The following DHX30 variants were observed in gnomAD, a reference collection of about 807,000 sequenced individuals.
DHX30 encodes the protein ATP-dependent RNA helicase DHX30.
DHX30 carries 4 observed loss-of-function variants against 116.9 expected under a neutral mutation model. The ratio of observed to expected loss-of-function variants is 0.03; its 90% CI spans 0.02 to 0.08. The LOEUF (loss-of-function observed/expected upper bound fraction) is 0.08. Ranked by LOEUF, DHX30 falls within the 10% of genes least tolerant of loss-of-function variation. The probability of loss-of-function intolerance (pLI) is 1.00; values close to 1 mark genes in which losing one functional copy is unlikely to be tolerated. For synonymous variants in DHX30, 697 were observed against 651.7 expected (o/e 1.07, Z -1.06); for missense variants, 871 against 1,595.1 (o/e 0.55, Z 7.73).
At chr3:47,849,118 A>T in intron 18 of DHX30, 39 bp downstream of exon 18, 1 of 1,610,494 alleles carries the variant, frequency 6.2e-7, no homozygotes, top group Non-Finnish European at 8.5e-7. Flanking sequence ...AGCCCCTCCC[A>T]CCCCCACTGA....
In DHX30 at chr3:47,829,312, A is replaced by ATTT. The variant is rs1351089403; in HGVS notation, c.366+179_366+180insTTT. Among the ~76,000 whole-genome samples, 204 of 27,954 alleles carry ATTT rather than the reference A, an allele frequency of 7.3e-3. 2 individuals carry two copies. Among genetic ancestry groups the ATTT allele is most frequent in the Non-Finnish European group, 0.013 (170 of 13,436 alleles). The allele number at this position is 27,954 out of a possible 152,430, so 18.3% of individuals were successfully genotyped here. On this transcript the variant is annotated intron_variant, in intron 6 of 21. Coordinates refer to ENST00000445061, the MANE Select transcript of DHX30 (RefSeq NM_138615.3). ...GATATATATATATATATATATATAT[A>ATTT]TATTTTTTTTTTTTTTTTCCTGTGT... is the stretch of plus-strand genomic sequence containing the variant.
intron 3 of DHX30, among the ~76,000 whole-genome samples, chr3:47,811,408 A>C (rs778827218): frequency 1.3e-5 from 2 of 152,042 alleles, no homozygotes; most frequent in Non-Finnish European, 2.9e-5. Context: ...TCATTTTGTC[A>C]CTAGATTGGA....
intron 8 of DHX30, chr3:47,842,763 C>T (rs1422784845): frequency 4.8e-6 from 1 of 207,764 alleles, no homozygotes. Context: ...TTTGCTCCCG[C>T]AGGATGTGCC....
At chr3:47,821,888 C>T (rs1427063346) in intron 4 of DHX30, among the ~76,000 whole-genome samples, 1 of 152,198 alleles carries the variant, frequency 6.6e-6, no homozygotes, top group Non-Finnish European at 1.5e-5. Context: ...CATGAGCCAC[C>T]GTACCTGGTC....
At chr3:47,829,574 C>T (rs1023864910) in intron 6 of DHX30, among the ~76,000 whole-genome samples, 1 of 151,586 alleles carries the variant, frequency 6.6e-6, no homozygotes, top group South Asian at 2.1e-4. Flanking sequence ...GAACTCCTGA[C>T]CTCAAGTGAT....
Position 47,847,192 on chromosome 3 carries a change from C to T in DHX30, c.1930-81C>T. 18 of 1,576,930 alleles carry T rather than the reference C, an allele frequency of 1.1e-5. No individual in the cohort carries two copies. Among genetic ancestry groups the T allele is most frequent in the South Asian group, 2.2e-5 (2 of 89,870 alleles). On this transcript the variant is annotated intron_variant, in intron 11 of 21. Transcript: ENST00000445061. The surrounding 1 kb of genome is among the most constrained non-coding windows in gnomAD (Gnocchi z 5.5). Reference sequence around the variant, plus strand: ...TGGAGTTGATGTCAAGCGGCTCCGTCTCACTGAGTCAGGTGGCTGTGTCCT... The same window carrying T: ...TGGAGTTGATGTCAAGCGGCTCCGTTTCACTGAGTCAGGTGGCTGTGTCCT...
At chr3:47,819,273 C>T in intron 4 of DHX30, 1 of 1,367,798 alleles carries the variant, frequency 7.3e-7, no homozygotes, top group South Asian at 1.1e-5. Context: ...AGGTGAGTGG[C>T]TCTGAGAGTG....
rs1432515652 is a variant in DHX30, at chr3:47,849,185, TC to T, written c.2930-4del. On this transcript the variant is annotated splice_polypyrimidine_tract_variant and splice_region_variant and intron_variant, in intron 18 of 21. Coordinates refer to ENST00000445061, the MANE Select transcript of DHX30 (RefSeq NM_138615.3). The stretch of plus-strand genomic sequence containing the variant: ...CTGTAGGTCCACCACACATTCTGTC[TC>T]CCTAGGACTCATCAAGCAGTTCTCA... 2 of 1,613,094 alleles carry T rather than the reference TC, an allele frequency of 1.2e-6. No homozygotes were observed.
intron 2 of DHX30, among the ~76,000 whole-genome samples, chr3:47,809,786 T>G (rs1052807795): frequency 1.3e-5 from 2 of 152,144 alleles, no homozygotes; most frequent in Non-Finnish European, 2.9e-5. Context: ...CCCAGTAGAC[T>G]CCAATCAATG....
At chr3:47,832,100 A>G (rs1243068674) in intron 6 of DHX30, among the ~76,000 whole-genome samples, 6 of 149,164 alleles carry the variant, frequency 4.0e-5, no homozygotes, top group African/African-American at 1.5e-4. Flanking sequence ...TAATAGAGAC[A>G]GGGTCTTACT....
chr3:47,817,977 G>T (rs763171714), intron 3 of DHX30, 45 bp from the exon 4 acceptor site: 1 of 780,928 alleles, frequency 1.3e-6, no homozygotes, highest in Non-Finnish European at 2.4e-6. Flanking sequence ...CTGTGACTGT[G>T]AGGGGTGAGA....
In DHX30 at chr3:47,847,684, T is replaced by C. The variant is rs1393619859; in HGVS notation, c.2111-97T>C. ...GGCATAGTGTTTATCTGCGCCTGTTTCATCAAAATGGGGTCAAAATCCTTG... is the reference window on the plus strand; with the variant it reads ...GGCATAGTGTTTATCTGCGCCTGTTCCATCAAAATGGGGTCAAAATCCTTG... On this transcript the variant is annotated intron_variant, in intron 13 of 21. Coordinates refer to ENST00000445061, the MANE Select transcript of DHX30 (RefSeq NM_138615.3). This position sits in a 1 kb window ranked among gnomAD's most constrained non-coding sequence, Gnocchi z 5.5. The C allele has an allele frequency of 4.0e-6, 6 of 1,502,996 alleles. No homozygotes were observed. The highest frequency in any genetic ancestry group is 5.4e-6 in the Non-Finnish European group (6 of 1,116,742). The allele number at this position is 1,502,996 out of a possible 1,614,324, so 93.1% of individuals were successfully genotyped here. A position where few individuals can be genotyped will look rare whatever the true frequency, so the allele number is the denominator to read the frequency against.
chr3:47,847,791 C>T lies in DHX30; in HGVS notation c.2121C>T (p.Asn707=). The T allele has an allele frequency of 1.9e-6, 3 of 1,613,554 alleles. No individual in the cohort carries two copies. The highest frequency in any genetic ancestry group is 2.5e-6 in the Non-Finnish European group (3 of 1,179,616). Residue 707 remains asparagine, a synonymous_variant, in exon 14 of 22, where the codon AAC becomes AAT. Transcript: ENST00000445061. This position sits in a 1 kb window ranked among gnomAD's most constrained non-coding sequence, Gnocchi z 5.5. ...SKYLILPVHS[N]IPMMDQKAIF... Reference sequence around the variant, plus strand: ...TGTCTTGCCCACCAGTGCACTCCAACATCCCCATGATGGATCAGAAGGCCA... The same window carrying T: ...TGTCTTGCCCACCAGTGCACTCCAATATCCCCATGATGGATCAGAAGGCCA...
chr3:47,819,029 C>T (rs923484878), intron 4 of DHX30, among the ~76,000 whole-genome samples: 1 of 152,124 alleles, frequency 6.6e-6, no homozygotes, highest in Admixed American at 6.6e-5. Context: ...TCAGTTTCTG[C>T]AGCCCATGCT....
At chr3:47,816,111 C>T (rs73085185) in intron 3 of DHX30, 19,955 of 984,562 alleles carry the variant, frequency 0.02, 243 homozygotes, top group Non-Finnish European at 0.022. Flanking sequence ...CCTACAAGCA[C>T]GTCTGCTGTA....
At chr3:47,844,823 G>A (rs574974797) in intron 9 of DHX30, among the ~76,000 whole-genome samples, 1 of 152,332 alleles carries the variant, frequency 6.6e-6, no homozygotes, top group East Asian at 1.9e-4. Flanking sequence ...TTTCCTTCCA[G>A]TGGCTTGTTT....
chr3:47,849,595 C>T (rs765000281), intron 20 of DHX30, 35 bp from the exon 21 acceptor site: 2 of 1,614,094 alleles, frequency 1.2e-6, no homozygotes, highest in South Asian at 1.1e-5. Context: ...TGGGATGGTC[C>T]AAAAGGGTGG....
At chr3:47,816,530 G>A in intron 3 of DHX30, 1 of 933,034 alleles carries the variant, frequency 1.1e-6, no homozygotes, top group Non-Finnish European at 1.3e-6. Flanking sequence ...GCCAATTTTT[G>A]TATTTTTAGT....
intron 18 of DHX30, 32 bp from the exon 19 acceptor site, chr3:47,849,160 C>T (rs1159933782): frequency 1.9e-6 from 3 of 1,613,522 alleles, no homozygotes; most frequent in Non-Finnish European, 2.5e-6. Context: ...TGGCTAGGGG[C>T]TGTAGGTCCA....
Sources: allele counts gnomAD v4.1 joint callset (sites outside exome capture counted in the v4.1 genomes callset), GRCh38; gene constraint gnomAD v4.1.1; non-coding constraint Gnocchi (gnomAD v3.1); transcripts MANE v1.5; gene names NCBI Gene and HGNC (gene_info 2026-07-23, HGNC 2026-07-21).